Variants in GAS7 observed in about 807,000 individuals in gnomAD.
GAS7 encodes the protein growth arrest specific 7, also known as growth arrest-specific protein 7.
Under a neutral mutation model 71.1 loss-of-function variants are expected in GAS7, and 28 were observed. The observed-to-expected ratio is 0.39, with a 90% CI of 0.29 to 0.54. The LOEUF (loss-of-function observed/expected upper bound fraction) is 0.54, where lower values mean the gene tolerates loss of function less well. GAS7 is among the 20% of genes least tolerant of loss of function. The probability of loss-of-function intolerance (pLI) is 0.62; values close to 1 mark genes in which losing one functional copy is unlikely to be tolerated. For synonymous variants in GAS7, 258 were observed against 245.8 expected (o/e 1.05, Z -0.46); for missense variants, 436 against 627.8 (o/e 0.69, Z 3.27).
chr17:10,008,885 T>C (rs1026939461), intron 2 of GAS7, among the ~76,000 whole-genome samples: 2 of 152,002 alleles, frequency 1.3e-5, no homozygotes, highest in African/African-American at 4.8e-5. Flanking sequence ...TCAACACAGA[T>C]GGACAGAAAA....
chr17:10,092,617 G>A (rs867451438), intron 1 of GAS7, among the ~76,000 whole-genome samples: 2 of 152,218 alleles, frequency 1.3e-5, no homozygotes, highest in Non-Finnish European at 2.9e-5. Context: ...TATGACTGCT[G>A]TAACAATCAC....
chr17:10,087,183 T>A (rs1034224631), intron 1 of GAS7, among the ~76,000 whole-genome samples: 6 of 149,012 alleles, frequency 4.0e-5, no homozygotes, highest in African/African-American at 1.5e-4. Context: ...GAGTTCAGCC[T>A]GAGCTCGCCG....
chr17:9,974,477 G>A lies in GAS7; in HGVS notation c.386-4715C>T, dbSNP rs556352037. On this transcript the variant is annotated intron_variant, in intron 3 of 13. Transcript: ENST00000432992. The surrounding 1 kb of genome is among the most constrained non-coding windows in gnomAD (Gnocchi z 4.0). ...AGAAAAATGAAATTGGTCAAGGATC[G>A]CTCATAAAGGGAACATAATTCAGTC... Among the ~76,000 whole-genome samples, 55 of 151,504 alleles carry A rather than the reference G, an allele frequency of 3.6e-4. No homozygotes were observed. The highest frequency in any genetic ancestry group is 9.2e-4 in the Admixed American group (14 of 15,220).
chr17:10,043,424 G>A (rs932370872), intron 1 of GAS7, among the ~76,000 whole-genome samples: 2 of 152,096 alleles, frequency 1.3e-5, no homozygotes, highest in Non-Finnish European at 2.9e-5. Flanking sequence ...AGGGTTTAGA[G>A]GTGCTAACCC....
intron 2 of GAS7, among the ~76,000 whole-genome samples, chr17:10,003,581 C>A (rs2071355579): frequency 6.6e-6 from 1 of 152,200 alleles, no homozygotes; most frequent in Admixed American, 6.5e-5. Context: ...CGACTGACCT[C>A]ACAGAAGCGA....
At chr17:10,038,802 C>T (rs918369200) in intron 1 of GAS7, among the ~76,000 whole-genome samples, 4 of 150,416 alleles carry the variant, frequency 2.7e-5, no homozygotes, top group African/African-American at 7.4e-5. Context: ...TGGGTTCAAG[C>T]GATTCTCCTG....
At position 10,141,379 on chromosome 17, in the gene GAS7, C is replaced by T. The variant is rs150211199; in HGVS notation, c.183+56829G>A. Among the ~76,000 whole-genome samples the T allele has an allele frequency of 4.3e-3, 660 of 151,994 alleles. 3 individuals carry two copies. Among genetic ancestry groups the T allele is most frequent in the South Asian group, 0.011 (53 of 4,822 alleles). Reference sequence around the variant, plus strand: ...AGGAGAATGGTGTGAACCCGGGAGACGGAGCTTGCAGTGAGGCAAGATCGC... The same window carrying T: ...AGGAGAATGGTGTGAACCCGGGAGATGGAGCTTGCAGTGAGGCAAGATCGC... On this transcript the variant is annotated intron_variant, in intron 1 of 13. Coordinates refer to ENST00000432992, the MANE Select transcript of GAS7 (RefSeq NM_201433.2).
intron 8 of GAS7, among the ~76,000 whole-genome samples, chr17:9,936,077 G>A (rs964119516): frequency 2.0e-5 from 3 of 152,208 alleles, no homozygotes; most frequent in Admixed American, 6.5e-5. Flanking sequence ...ATGGTGCAGA[G>A]ACAACCGTAC....
At chr17:9,973,928 C>T (rs774950308) in intron 3 of GAS7, among the ~76,000 whole-genome samples, 11 of 152,150 alleles carry the variant, frequency 7.2e-5, no homozygotes, top group Admixed American at 5.2e-4. Flanking sequence ...TTTGATAATG[C>T]TGAGTCCCCA....
intron 2 of GAS7, among the ~76,000 whole-genome samples, chr17:10,008,735 C>A (rs2071635034): frequency 6.6e-6 from 1 of 151,992 alleles, no homozygotes; most frequent in Non-Finnish European, 1.5e-5. Flanking sequence ...AATAATAAAG[C>A]CAAAATTAGG....
Position 9,916,446 on chromosome 17 carries a change from G to A in GAS7, c.*782C>T, listed in dbSNP as rs937333308. ...AAGCTTCCTCTAATGAGACTGGGAA[G>A]GGCTGGCAGGGTGGGGGCAGGGGCC... On this transcript the variant is annotated 3_prime_UTR_variant, in exon 14 of 14. Transcript: ENST00000432992. 3 of 233,898 alleles carry A rather than the reference G, an allele frequency of 1.3e-5. No homozygotes were observed. The highest frequency in any genetic ancestry group is 2.2e-5 in the African/African-American group (1 of 45,376). 14.5% of individuals were successfully genotyped at this position (233,898 alleles called of 1,614,324 possible). A position where few individuals can be genotyped will look rare whatever the true frequency, so the allele number is the denominator to read the frequency against.
intron 1 of GAS7, among the ~76,000 whole-genome samples, chr17:10,186,318 C>G (rs1001757134): frequency 6.6e-6 from 1 of 151,626 alleles, no homozygotes; most frequent in Non-Finnish European, 1.5e-5. Context: ...TGGAGAAGCA[C>G]AGATCTCACA....
At chr17:9,938,470 C>CAAAA (rs34813185) in intron 8 of GAS7, among the ~76,000 whole-genome samples, 4 of 65,164 alleles carry the variant, frequency 6.1e-5, no homozygotes, top group Non-Finnish European at 8.5e-5. Context: ...GACTCTGTCT[C>CAAAA]AAAAAAAAAA....
chr17:10,136,294 G>T (rs139627254), intron 1 of GAS7, among the ~76,000 whole-genome samples: 307 of 152,168 alleles, frequency 2.0e-3, no homozygotes, highest in African/African-American at 5.9e-3. Context: ...TTCTGGGTTG[G>T]GCCTCAGAAA....
chr17:10,141,000 C>A (rs964183205), intron 1 of GAS7, among the ~76,000 whole-genome samples: 2 of 152,250 alleles, frequency 1.3e-5, no homozygotes, highest in Admixed American at 6.5e-5. Context: ...GGACTGGCCC[C>A]ACCCTGGTGT....
At chr17:10,070,426 C>T (rs904859580) in intron 1 of GAS7, among the ~76,000 whole-genome samples, 1 of 148,972 alleles carries the variant, frequency 6.7e-6, no homozygotes, top group African/African-American at 2.5e-5. Flanking sequence ...TGCAGTGGCA[C>T]GATCTCAGCT....
intron 1 of GAS7, among the ~76,000 whole-genome samples, chr17:10,100,433 A>G (rs16959310): frequency 0.028 from 4,310 of 152,214 alleles, 194 homozygotes; most frequent in African/African-American, 0.097. Context: ...GGTCTCTACA[A>G]CTTCTCTAAC....
At chr17:10,154,611 G>A (rs1258904420) in intron 1 of GAS7, among the ~76,000 whole-genome samples, 1 of 151,984 alleles carries the variant, frequency 6.6e-6, no homozygotes, top group Non-Finnish European at 1.5e-5. Flanking sequence ...CCAGGAGTTT[G>A]AGACCAGCCA....
intron 1 of GAS7, among the ~76,000 whole-genome samples, chr17:10,137,101 G>A (rs1456522024): frequency 2.1e-5 from 3 of 145,120 alleles, no homozygotes; most frequent in Admixed American, 7.0e-5. Flanking sequence ...GCAACCGAGC[G>A]AGACCCAGCT....
Sources: gnomAD v4.1 joint callset for allele counts (sites outside exome capture counted in the v4.1 genomes callset) on GRCh38, gnomAD v4.1.1 for gene constraint, Gnocchi (gnomAD v3.1) non-coding constraint, MANE v1.5 for transcripts, NCBI Gene and HGNC (gene_info 2026-07-23, HGNC 2026-07-21) for gene names.